The following RRAS2 variants were observed in gnomAD, a reference collection of about 807,000 sequenced individuals.
RRAS2 encodes the protein ras-related protein R-Ras2.
In RRAS2, 7 loss-of-function variants were observed where a neutral mutation model predicts 27.6. The observed-to-expected ratio is 0.25, with a 90% CI of 0.14 to 0.48. RRAS2 has a LOEUF of 0.48. RRAS2 is among the 20% of genes least tolerant of loss of function. The pLI is 0.99. For synonymous variants in RRAS2, 86 were observed against 90.9 expected, an observed-to-expected ratio of 0.95 and a Z score of 0.31; for missense variants, 178 against 256.2, an observed-to-expected ratio of 0.69 and a Z score of 2.08.
intron 4 of RRAS2, 150 bp from the exon 5 acceptor site, chr11:14,281,870 A>C: frequency 1.6e-6 from 1 of 628,966 alleles, no homozygotes; most frequent in South Asian, 2.1e-5. Flanking sequence ...CTCAAGATAA[A>C]CTAAAGCCCA....
chr11:14,362,114 G>C (rs570978271), upstream of RRAS2, among the ~76,000 whole-genome samples: 44 of 152,300 alleles, frequency 2.9e-4, no homozygotes, highest in African/African-American at 1.0e-3. Context: ...GTTTCTTTTT[G>C]AGGAGTTGAA....
At position 14,279,500 on chromosome 11, in the gene RRAS2, C is replaced by T. The variant is rs187387797; in HGVS notation, c.528-76G>A. On this transcript the variant is annotated intron_variant, in intron 5 of 5. Transcript: ENST00000256196. ...TTACAAACACAGGTTATTTTTTGTA[C>T]AAGTTCACTTTTAAGTGTGTATGCT... The T allele has an allele frequency of 1.5e-3, 1,668 of 1,093,370 alleles. 3 individuals are homozygous for T. The highest frequency in any genetic ancestry group is 2.0e-3 in the Non-Finnish European group (1,425 of 711,722). 67.7% of individuals were successfully genotyped at this position (1,093,370 alleles called of 1,614,324 possible). A position where few individuals can be genotyped will look rare whatever the true frequency, so the allele number is the denominator to read the frequency against.
At chr11:14,349,991 C>A (rs72866411) in intron 1 of RRAS2, among the ~76,000 whole-genome samples, 1 of 152,158 alleles carries the variant, frequency 6.6e-6, no homozygotes, top group African/African-American at 2.4e-5. Context: ...TCAGAAGGGT[C>A]CCTGCCCCCA....
intron 1 of RRAS2, among the ~76,000 whole-genome samples, chr11:14,330,522 A>G (rs1848462626): frequency 6.6e-6 from 1 of 152,112 alleles, no homozygotes; most frequent in Non-Finnish European, 1.5e-5. Flanking sequence ...AAAAAACAAA[A>G]AACTGGTTCC....
rs190154313 is a variant in RRAS2, at chr11:14,285,462, G to A, written c.409-3742C>T. On this transcript the variant is annotated intron_variant, in intron 4 of 5. Transcript: ENST00000256196. ...GTTATTAACTTTTACTTCATAATGC[G>A]TTTATTTTTGCTTTAAATATTCAGT... 1.0e-3 allele frequency among the ~76,000 whole-genome samples: 158 copies of A among 152,118 alleles called. 1 individual carries two copies. The highest frequency in any genetic ancestry group is 3.5e-3 in the African/African-American group (144 of 41,502).
upstream of RRAS2, among the ~76,000 whole-genome samples, chr11:14,363,456 C>A (rs540323341): frequency 6.6e-6 from 1 of 152,320 alleles, no homozygotes; most frequent in East Asian, 1.9e-4. Context: ...GACTTAGAAT[C>A]TGAATTTGTA....
At chr11:14,357,989 G>C (rs1294750946) in intron 1 of RRAS2, among the ~76,000 whole-genome samples, 5 of 152,124 alleles carry the variant, frequency 3.3e-5, no homozygotes, top group Non-Finnish European at 7.4e-5. Context: ...AGAGAGGGCT[G>C]GGGGTAGGGG....
rs1292869099 is a variant in RRAS2, at chr11:14,277,996, G to T, written c.*1341C>A. On this transcript the variant is annotated 3_prime_UTR_variant, in exon 6 of 6. Coordinates refer to ENST00000256196, the MANE Select transcript of RRAS2 (RefSeq NM_012250.6). ...TATGCTCTATAAACTTCATGGGACT[G>T]TTGTACACACTTGATAAAGTGACAA... 3.9e-5 allele frequency: 6 copies of T among 152,226 alleles called. No individual in the cohort carries two copies. The highest frequency in any genetic ancestry group is 1.4e-4 in the African/African-American group (6 of 41,458). The allele number at this position is 152,226 out of a possible 1,614,324, so 9.4% of individuals were successfully genotyped here.
intron 1 of RRAS2, among the ~76,000 whole-genome samples, chr11:14,332,603 A>T (rs151043608): frequency 3.3e-5 from 5 of 152,340 alleles, no homozygotes; most frequent in African/African-American, 9.6e-5. Context: ...CCCAGACACA[A>T]AAAGAGTACA....
upstream of RRAS2, among the ~76,000 whole-genome samples, chr11:14,364,161 G>C (rs1156448800): frequency 1.3e-5 from 2 of 152,166 alleles, no homozygotes; most frequent in Non-Finnish European, 2.9e-5. Context: ...TTTATTTCAG[G>C]ACAAACAATG....
chr11:14,329,026 T>TACAC (rs1848429642), intron 1 of RRAS2, among the ~76,000 whole-genome samples: 1 of 125,546 alleles, frequency 8.0e-6, no homozygotes, highest in Non-Finnish European at 1.7e-5. Context: ...TATATATATA[T>TACAC]ATACACACAC....
intron 1 of RRAS2, among the ~76,000 whole-genome samples, chr11:14,302,254 C>G (rs929569991): frequency 6.6e-6 from 1 of 152,150 alleles, no homozygotes; most frequent in Non-Finnish European, 1.5e-5. Context: ...CTGCTCCCTT[C>G]CAGTTTAAGA....
intron 1 of RRAS2, among the ~76,000 whole-genome samples, chr11:14,315,335 C>T (rs1175755292): frequency 2.0e-5 from 3 of 152,172 alleles, no homozygotes; most frequent in African/African-American, 4.8e-5. Flanking sequence ...CTGTGGTCTT[C>T]CTAACCCAAA....
At chr11:14,352,311 T>C (rs76892706) in intron 1 of RRAS2, among the ~76,000 whole-genome samples, 139 of 152,348 alleles carry the variant, frequency 9.1e-4, no homozygotes, top group African/African-American at 3.3e-3. Flanking sequence ...AATAATCACA[T>C]GGCCTTTATA....
intron 1 of RRAS2, among the ~76,000 whole-genome samples, chr11:14,332,174 A>C (rs1283813338): frequency 2.0e-5 from 3 of 152,220 alleles, no homozygotes; most frequent in Non-Finnish European, 4.4e-5. Context: ...CTTGGTATTT[A>C]TCCAAGCAAT....
Position 14,358,886 on chromosome 11 carries a change from C to T in RRAS2, c.-16G>A, listed in dbSNP as rs782599910. On this transcript the variant is annotated 5_prime_UTR_variant, in exon 1 of 6. Coordinates refer to ENST00000256196, the MANE Select transcript of RRAS2 (RefSeq NM_012250.6). The surrounding 1 kb of genome is among the most constrained non-coding windows in gnomAD (Gnocchi z 5.1). ...CCGCGGCCATGGGGACGCTACAGAG[C>T]CCAGCCTGACTGCGCCGAGCCGCCG... is the stretch of plus-strand genomic sequence containing the variant. 9.3e-6 allele frequency: 13 copies of T among 1,397,176 alleles called. 1 individual carries two copies. The East Asian group carries it at 3.3e-4, about 35-fold the overall frequency. 86.5% of individuals were successfully genotyped at this position (1,397,176 alleles called of 1,614,324 possible). A position where few individuals can be genotyped will look rare whatever the true frequency, so the allele number is the denominator to read the frequency against.
chr11:14,332,680 G>C (rs1848504158), intron 1 of RRAS2, among the ~76,000 whole-genome samples: 1 of 152,146 alleles, frequency 6.6e-6, no homozygotes, highest in Non-Finnish European at 1.5e-5. Context: ...TAAAAAGTCA[G>C]AAGGGAGACA....
chr11:14,356,620 A>G (rs1178904991), intron 1 of RRAS2: 12 of 271,220 alleles, frequency 4.4e-5, no homozygotes, highest in Non-Finnish European at 7.2e-5. Flanking sequence ...AAAGACACAC[A>G]TGCTCAAGTC....
In RRAS2 at chr11:14,293,810, T is replaced by C. The variant is rs117489236; in HGVS notation, c.408+661A>G. Among the ~76,000 whole-genome samples the C allele has an allele frequency of 8.3e-3, 1,266 of 152,302 alleles. 7 individuals are homozygous for C. Among genetic ancestry groups the C allele is most frequent in the Non-Finnish European group, 0.014 (945 of 68,024 alleles). On this transcript the variant is annotated intron_variant, in intron 4 of 5. Coordinates refer to ENST00000256196, the MANE Select transcript of RRAS2 (RefSeq NM_012250.6). ...TACAAATGAACAGCCGGCATTAATA[T>C]ACAACTGACCTTGTTCCCCTCCCCT...
Sources: gnomAD v4.1 joint callset for allele counts (sites outside exome capture counted in the v4.1 genomes callset) on GRCh38, gnomAD v4.1.1 for gene constraint, Gnocchi (gnomAD v3.1) non-coding constraint, MANE v1.5 for transcripts, NCBI Gene and HGNC (gene_info 2026-07-23, HGNC 2026-07-21) for gene names.